PCDHGA3: variants seen among roughly 807,000 people sequenced by gnomAD.
PCDHGA3 encodes the protein protocadherin gamma subfamily A, 3.
A neutral mutation model predicts 58.5 loss-of-function variants in PCDHGA3; 40 were observed. The ratio of observed to expected loss-of-function variants is 0.68; its 90% CI spans 0.53 to 0.89. PCDHGA3 has a LOEUF of 0.89. PCDHGA3 is among the 40% of genes least tolerant of loss of function. The pLI is 0.00. For missense variants in PCDHGA3, 1,223 were observed against 1,195.9 expected (o/e 1.02, Z -0.33); for synonymous variants, 530 against 525.7 (o/e 1.01, Z -0.11).
At chr5:141,402,361 T>G (rs2094255838) in intron 1 of PCDHGA3, among the ~76,000 whole-genome samples, 1 of 151,992 alleles carries the variant, frequency 6.6e-6, no homozygotes, top group Admixed American at 6.6e-5. Flanking sequence ...ATGAATGTAC[T>G]TCCAAACAAG....
At chr5:141,500,450 C>A (rs2099800340) in intron 2 of PCDHGA3, among the ~76,000 whole-genome samples, 1 of 152,072 alleles carries the variant, frequency 6.6e-6, no homozygotes, top group Non-Finnish European at 1.5e-5. Flanking sequence ...ACCTCGTGAT[C>A]CGCCCGCCTC....
At chr5:141,506,930 T>C (rs2099857287) in intron 3 of PCDHGA3, among the ~76,000 whole-genome samples, 1 of 152,150 alleles carries the variant, frequency 6.6e-6, no homozygotes, top group African/African-American at 2.4e-5. Context: ...AAACAAACTT[T>C]AGGGGCCTCC....
intron 1 of PCDHGA3, chr5:141,393,030 C>T (rs1376617687): frequency 1.2e-6 from 2 of 1,613,780 alleles, no homozygotes; most frequent in Admixed American, 3.3e-5. Context: ...AGGTAGGACG[C>T]AGCTCTTTGC....
chr5:141,494,891 C>G, intron 2 of PCDHGA3, 26 bp downstream of exon 2: 1 of 1,614,098 alleles, frequency 6.2e-7, no homozygotes. Flanking sequence ...TCCAGCCCAC[C>G]CTCTTCTCTG....
intron 1 of PCDHGA3, chr5:141,414,112 T>C (rs967826724): frequency 1.3e-6 from 2 of 1,592,428 alleles, no homozygotes; most frequent in African/African-American, 2.7e-5. Context: ...AAATCTAGAT[T>C]ATGAAGAAAC....
intron 1 of PCDHGA3, chr5:141,422,266 G>A (rs1393466157): frequency 6.4e-7 from 1 of 1,563,654 alleles, no homozygotes; most frequent in Non-Finnish European, 8.6e-7. Context: ...TAACGCTCCA[G>A]AAATAACTAT....
At chr5:141,421,828 C>T in intron 1 of PCDHGA3, 1 of 1,613,796 alleles carries the variant, frequency 6.2e-7, no homozygotes, top group Non-Finnish European at 8.5e-7. Context: ...GGAGGGAAGC[C>T]TGGACCGAGA....
At chr5:141,401,599 G>A (rs368569328) in intron 1 of PCDHGA3, among the ~76,000 whole-genome samples, 22 of 152,278 alleles carry the variant, frequency 1.4e-4, no homozygotes, top group African/African-American at 4.8e-4. Context: ...CTTGAAGAAG[G>A]GGAAAAAGAC....
At chr5:141,428,021 C>G (rs1185050109) in intron 1 of PCDHGA3, 1 of 1,605,486 alleles carries the variant, frequency 6.2e-7, no homozygotes, top group Admixed American at 1.7e-5. Flanking sequence ...TGCCACGCGC[C>G]GCAGAGTCCG....
At chr5:141,367,065 T>C (rs1054536052) in intron 1 of PCDHGA3, 27 of 305,946 alleles carry the variant, frequency 8.8e-5, no homozygotes, top group African/African-American at 6.0e-4. Context: ...TTTTATTTAT[T>C]CAAATTGTTA....
rs760004877 is a variant in PCDHGA3 at position 141,345,869 on chromosome 5, C to T, written c.1836C>T (p.Ser612=). 1.3e-5 allele frequency: 21 copies of T among 1,613,160 alleles called. No homozygotes were observed. Among genetic ancestry groups the T allele is most frequent in the Non-Finnish European group, 1.7e-5 (20 of 1,179,898 alleles). Residue 612 remains serine, a synonymous_variant, in exon 1 of 4, where the codon AGC becomes AGT. Transcript: ENST00000253812. ...AWLSYRLLKA[S]EPGLFSVGLH... ...TGTCCTACCGCCTGCTCAAGGCCAG[C>T]GAGCCGGGACTCTTCTCGGTGGGTC...
At chr5:141,413,450 G>T (rs2095642221) in intron 1 of PCDHGA3, 1 of 1,614,148 alleles carries the variant, frequency 6.2e-7, no homozygotes, top group Non-Finnish European at 8.5e-7. Context: ...ATCACCGCGG[G>T]CAGGATAGAC....
At chr5:141,488,564 G>T (rs1047904416) in intron 1 of PCDHGA3, among the ~76,000 whole-genome samples, 1 of 152,154 alleles carries the variant, frequency 6.6e-6, no homozygotes, top group African/African-American at 2.4e-5. Context: ...TGAGATTTCC[G>T]CAAAGCATTG....
At chr5:141,409,972 G>A in intron 1 of PCDHGA3, 1 of 1,613,374 alleles carries the variant, frequency 6.2e-7, no homozygotes, top group South Asian at 1.1e-5. Context: ...TAGTGACTAA[G>A]GTGGTAGCGG....
chr5:141,402,977 C>T, intron 1 of PCDHGA3: 2 of 1,608,138 alleles, frequency 1.2e-6, no homozygotes, highest in Non-Finnish European at 8.5e-7. Flanking sequence ...CAAATGCCAG[C>T]TCCGCGGAAG....
intron 1 of PCDHGA3, chr5:141,478,367 C>T (rs2099451272): frequency 1.2e-6 from 2 of 1,613,750 alleles, no homozygotes; most frequent in South Asian, 2.2e-5. Context: ...GCGGGGAGGC[C>T]TGATGTCGCC....
chr5:141,410,154 A>C (rs1254712035), intron 1 of PCDHGA3: 1 of 1,612,962 alleles, frequency 6.2e-7, no homozygotes, highest in Non-Finnish European at 8.5e-7. Flanking sequence ...GACGGTGGAC[A>C]GCCGCCACTC....
In PCDHGA3 at chr5:141,370,450, T is replaced by A. The variant is rs1472088781; in HGVS notation, c.2424+23993T>A. On this transcript the variant is annotated intron_variant, in intron 1 of 3. Transcript: ENST00000253812. The stretch of plus-strand genomic sequence containing the variant: ...GCAGGGCAGAGGCGAATGCTATTTC[T>A]CTTCCTGCTCTCTTTGTTAGACCAG... 2.5e-6 allele frequency: 4 copies of A among 1,609,450 alleles called. No homozygotes were observed. The African/African-American group carries it at 5.4e-5, about 22-fold the overall frequency.
At chr5:141,410,022 A>C (rs557770094) in intron 1 of PCDHGA3, 2 of 1,613,094 alleles carry the variant, frequency 1.2e-6, no homozygotes, top group South Asian at 2.2e-5. Context: ...CTGTCCTACC[A>C]CGTGCTGCAG....
Sources: allele counts gnomAD v4.1 joint callset (sites outside exome capture counted in the v4.1 genomes callset), GRCh38; gene constraint gnomAD v4.1.1; transcripts MANE v1.5; gene names NCBI Gene and HGNC (gene_info 2026-07-23, HGNC 2026-07-21).